RAB3D: variants seen among roughly 807,000 people sequenced by gnomAD.
RAB3D encodes ras-related protein Rab-3D.
In RAB3D, 17 loss-of-function variants were observed where a neutral mutation model predicts 19.3. That is an observed-to-expected ratio of 0.88 (90% CI 0.60 to 1.32). RAB3D has a LOEUF of 1.32. RAB3D is among the 40% of genes most tolerant of loss of function. RAB3D has a pLI of 0.00. For missense variants in RAB3D, 223 were observed against 299.1 expected (o/e 0.75, Z 1.88); for synonymous variants, 103 against 119.9 (o/e 0.86, Z 0.92).
intron 4 of RAB3D, among the ~76,000 whole-genome samples, chr19:11,327,513 T>A (rs763776223): frequency 6.6e-6 from 1 of 152,178 alleles, no homozygotes; most frequent in Non-Finnish European, 1.5e-5. Flanking sequence ...ATTCTCCTGC[T>A]TCAGCCTCCC....
In RAB3D at chr19:11,335,726, T is replaced by C; in HGVS notation, c.286A>G (p.Met96Val). ...TITTAYYRGA[M>V]GFLLMYDIAN... ...ATGTCATACATGAGCAGGAAGCCCA[T>C]GGCTCCCCGGTAGTAGGCCGTGGTG... The change falls in exon 3 of 5, where the codon ATG (methionine) becomes GTG (valine). Residue 96 changes from methionine to valine, a missense_variant. By Grantham distance (21) the Met-to-Val change is conservative. Transcript: ENST00000222120. 1 of 1,614,200 alleles carries C rather than the reference T, an allele frequency of 6.2e-7. No individual in the cohort carries two copies. Among genetic ancestry groups the C allele is most frequent in the Non-Finnish European group, 8.5e-7 (1 of 1,180,024 alleles).
chr19:11,338,114 C>T (rs8104913), intron 1 of RAB3D, among the ~76,000 whole-genome samples: 3,206 of 152,280 alleles, frequency 0.021, 117 homozygotes, highest in African/African-American at 0.074. Context: ...TATTAACACA[C>T]GTAACGGTCA....
At chr19:11,329,873 G>A (rs1402254753) in intron 4 of RAB3D, among the ~76,000 whole-genome samples, 1 of 151,958 alleles carries the variant, frequency 6.6e-6, no homozygotes, top group African/African-American at 2.4e-5. Flanking sequence ...GTAGAGACAG[G>A]GTTTTACCAT....
At chr19:11,332,742 A>C (rs1268625758) in intron 4 of RAB3D, among the ~76,000 whole-genome samples, 1 of 152,132 alleles carries the variant, frequency 6.6e-6, no homozygotes, top group East Asian at 1.9e-4. Flanking sequence ...CAGTCTCCAG[A>C]GTAGCTGGGA....
chr19:11,337,546 G>A, intron 1 of RAB3D, 86 bp from the exon 2 acceptor site: 1 of 665,476 alleles, frequency 1.5e-6, no homozygotes, highest in South Asian at 1.7e-5. Context: ...CGGAGACCAA[G>A]TGATGCTGGA....
At chr19:11,336,601 G>A (rs907265212) in intron 2 of RAB3D, among the ~76,000 whole-genome samples, 3 of 151,320 alleles carry the variant, frequency 2.0e-5, no homozygotes, top group Non-Finnish European at 4.4e-5. Context: ...AAGCCACCAC[G>A]CTAGTGTCAC....
intron 4 of RAB3D, among the ~76,000 whole-genome samples, 164 bp downstream of exon 4, chr19:11,335,283 C>T (rs112661173): frequency 5.7e-4 from 87 of 152,162 alleles, no homozygotes; most frequent in African/African-American, 2.0e-3. Flanking sequence ...GGAGTTCCTG[C>T]GCGTGGATCC....
At chr19:11,328,754 C>T (rs1459539439) in intron 4 of RAB3D, among the ~76,000 whole-genome samples, 2 of 151,534 alleles carry the variant, frequency 1.3e-5, no homozygotes, top group Non-Finnish European at 2.9e-5. Flanking sequence ...GAAGTTGAGG[C>T]TGCAGTGAGC....
At chr19:11,328,817 A>C (rs1403669427) in intron 4 of RAB3D, among the ~76,000 whole-genome samples, 2 of 152,108 alleles carry the variant, frequency 1.3e-5, no homozygotes, top group Admixed American at 6.6e-5. Flanking sequence ...ACCCTGTCTC[A>C]AAACAAAAAC....
intron 4 of RAB3D, chr19:11,326,817 G>C: frequency 1.5e-6 from 1 of 684,668 alleles, no homozygotes. Flanking sequence ...GCTATGTTGC[G>C]CAGGCTGGTC....
At chr19:11,333,086 T>C (rs1411390959) in intron 4 of RAB3D, among the ~76,000 whole-genome samples, 2 of 151,620 alleles carry the variant, frequency 1.3e-5, no homozygotes, top group African/African-American at 4.8e-5. Context: ...ATTTCTTTTT[T>C]TTTTTTTTTT....
At chr19:11,330,023 C>A (rs983965680) in intron 4 of RAB3D, among the ~76,000 whole-genome samples, 1 of 152,118 alleles carries the variant, frequency 6.6e-6, no homozygotes, top group African/African-American at 2.4e-5. Flanking sequence ...AAGTGAGAAT[C>A]CCCCTTTACC....
intron 4 of RAB3D, among the ~76,000 whole-genome samples, chr19:11,328,611 C>T (rs1316305213): frequency 6.6e-6 from 1 of 152,062 alleles, no homozygotes; most frequent in East Asian, 1.9e-4. Context: ...TATGCCACTG[C>T]ACTCCAGCCT....
chr19:11,337,290 G>A lies in RAB3D; in HGVS notation c.110C>T (p.Ser37Phe). Reference protein sequence around the residue: ...LIGNSSVGKTSFLFRYADDSF... With the variant: ...LIGNSSVGKTFFLFRYADDSF... ...GTCGTCCGCGTATCGGAACAGGAAG[G>A]AAGTCTTGCCCACACTGCTGTTGCC... Residue 37 changes from serine to phenylalanine, a missense_variant, in exon 2 of 5, where the codon TCC becomes TTC. By Grantham distance (155) the Ser-to-Phe change is radical. Transcript: ENST00000222120. The A allele has an allele frequency of 6.2e-7, 1 of 1,614,146 alleles. No homozygotes were observed. The highest frequency in any genetic ancestry group is 8.5e-7 in the Non-Finnish European group (1 of 1,180,030).
chr19:11,328,696 A>T (rs1277704603), intron 4 of RAB3D, among the ~76,000 whole-genome samples: 2 of 151,960 alleles, frequency 1.3e-5, no homozygotes, highest in Admixed American at 6.6e-5. Context: ...ATGCACCCGT[A>T]GTCCCACCTA....
In RAB3D at chr19:11,337,239, G is replaced by A. The variant is rs756642675; in HGVS notation, c.161C>T (p.Thr54Ile). The A allele has an allele frequency of 1.7e-5, 27 of 1,614,130 alleles. No individual in the cohort carries two copies. The highest frequency in any genetic ancestry group is 2.2e-5 in the Non-Finnish European group (26 of 1,180,032). Residue 54 changes from threonine to isoleucine, a missense_variant, in exon 2 of 5, where the codon ACT (threonine) becomes ATT (isoleucine). Transcript: ENST00000222120. ...CTTGACCTTGAAATCGATGCCCACA[G>A]TACTGACGAAGGCGGGAGTGAAGGA... ...DDSFTPAFVS[T>I]VGIDFKVKTV... is the part of the protein sequence containing the mutation.
chr19:11,337,142 C>T (rs754591284), intron 2 of RAB3D, 30 bp downstream of exon 2: 1 of 1,595,418 alleles, frequency 6.3e-7, no homozygotes, highest in South Asian at 1.1e-5. Flanking sequence ...GGGACCCCAC[C>T]CCCAACCCAC....
intron 4 of RAB3D, among the ~76,000 whole-genome samples, chr19:11,328,007 G>A (rs1009823077): frequency 6.6e-6 from 1 of 151,762 alleles, no homozygotes; most frequent in African/African-American, 2.4e-5. Context: ...GACCAGCCTG[G>A]GCAACATAGC....
intron 4 of RAB3D, among the ~76,000 whole-genome samples, chr19:11,331,783 C>T (rs2080836337): frequency 6.6e-6 from 1 of 151,654 alleles, no homozygotes; most frequent in South Asian, 2.1e-4. Context: ...TGTACTCCAG[C>T]CTGGGTGAAA....
Sources: gnomAD v4.1 joint callset for allele counts (sites outside exome capture counted in the v4.1 genomes callset) on GRCh38, gnomAD v4.1.1 for gene constraint, MANE v1.5 for transcripts, NCBI Gene and HGNC (gene_info 2026-07-23, HGNC 2026-07-21) for gene names.